PPP2R5C: variants seen among roughly 807,000 people sequenced by gnomAD.
The protein encoded by PPP2R5C is serine/threonine-protein phosphatase 2A 56 kDa regulatory subunit gamma isoform.
A neutral mutation model predicts 68.9 loss-of-function variants in PPP2R5C; 7 were observed. The observed-to-expected ratio is 0.10, with a 90% CI of 0.06 to 0.19. The LOEUF (loss-of-function observed/expected upper bound fraction) is 0.19, where lower values mean the gene tolerates loss of function less well. Among genes scored for constraint, PPP2R5C ranks in the 10% least tolerant of loss-of-function variants. The pLI, the probability that PPP2R5C is intolerant of heterozygous loss-of-function variation, is 1.00. For missense variants in PPP2R5C, 348 were observed against 641.3 expected (o/e 0.54, Z 4.94); for synonymous variants, 210 against 222.2 (o/e 0.95, Z 0.49).
intron 5 of PPP2R5C, among the ~76,000 whole-genome samples, chr14:101,886,668 A>AT (rs2044541400): frequency 6.6e-6 from 1 of 152,162 alleles, no homozygotes; most frequent in South Asian, 2.1e-4. Context: ...GGAAAAAAAA[A>AT]GAAGAAAGAT....
chr14:101,908,245 G>C (rs1453832383), intron 10 of PPP2R5C, among the ~76,000 whole-genome samples: 1 of 152,208 alleles, frequency 6.6e-6, no homozygotes, highest in African/African-American at 2.4e-5. Context: ...GTGGTTGTAG[G>C]GCCAGCAGCC....
chr14:101,896,455 C>T (rs775863180), intron 8 of PPP2R5C, among the ~76,000 whole-genome samples: 13 of 151,700 alleles, frequency 8.6e-5, no homozygotes, highest in African/African-American at 2.7e-4. Flanking sequence ...TCTTCTTGGC[C>T]GGGCGCGGTG....
At chr14:101,771,006 C>A (rs905168707) in intron 2 of PPP2R5C, among the ~76,000 whole-genome samples, 1 of 152,198 alleles carries the variant, frequency 6.6e-6, no homozygotes, top group Non-Finnish European at 1.5e-5. Flanking sequence ...AGCACAGTGT[C>A]CTCTCTAATC....
At chr14:101,795,347 G>T (rs1471906343) in intron 3 of PPP2R5C, among the ~76,000 whole-genome samples, 1 of 152,098 alleles carries the variant, frequency 6.6e-6, no homozygotes, top group Admixed American at 6.5e-5. Context: ...TCATGTAAAA[G>T]TTGTAGTTAT....
chr14:101,838,444 G>T (rs2041255404), intron 1 of PPP2R5C, among the ~76,000 whole-genome samples: 2 of 152,222 alleles, frequency 1.3e-5, no homozygotes, highest in Admixed American at 1.3e-4. Context: ...TTGCAAGAAT[G>T]ATATAAAGAA....
intron 5 of PPP2R5C, among the ~76,000 whole-genome samples, chr14:101,887,077 A>G (rs1005232158): frequency 2.0e-5 from 3 of 152,242 alleles, no homozygotes; most frequent in Non-Finnish European, 4.4e-5. Flanking sequence ...TCTTGTAAGA[A>G]AAAACATTTT....
chr14:101,772,408 C>A (rs2037195934), intron 2 of PPP2R5C, among the ~76,000 whole-genome samples: 1 of 151,942 alleles, frequency 6.6e-6, no homozygotes, highest in Non-Finnish European at 1.5e-5. Flanking sequence ...GCAGTCACGA[C>A]CTTTTGTCCT....
chr14:101,816,979 G>C (rs1190249064), intron 1 of PPP2R5C, among the ~76,000 whole-genome samples: 2 of 135,648 alleles, frequency 1.5e-5, no homozygotes, highest in Non-Finnish European at 3.1e-5. Flanking sequence ...TTTTTTTTGA[G>C]ATGGAGTCTT....
chr14:101,903,649 T>A (rs942761195), intron 9 of PPP2R5C, among the ~76,000 whole-genome samples: 3 of 151,998 alleles, frequency 2.0e-5, no homozygotes, highest in Admixed American at 2.0e-4. Context: ...TCCAGACACA[T>A]ATGCATAAGG....
At chr14:101,885,598 G>A (rs1173587699) in intron 5 of PPP2R5C, among the ~76,000 whole-genome samples, 6 of 152,338 alleles carry the variant, frequency 3.9e-5, no homozygotes, top group East Asian at 3.9e-4. Flanking sequence ...AGGGCATTTC[G>A]GCGTGAGAGC....
At chr14:101,838,209 C>T (rs1046986356) in intron 1 of PPP2R5C, among the ~76,000 whole-genome samples, 1 of 152,148 alleles carries the variant, frequency 6.6e-6, no homozygotes, top group Admixed American at 6.5e-5. Flanking sequence ...AGGGGGCAGA[C>T]AGCGATGAAG....
intron 2 of PPP2R5C, among the ~76,000 whole-genome samples, chr14:101,871,442 AC>A (rs1158744576): frequency 6.6e-6 from 1 of 151,764 alleles, no homozygotes; most frequent in Non-Finnish European, 1.5e-5. Flanking sequence ...GGGGTTTCTC[AC>A]CATGTTAGCC....
chr14:101,918,793 G>A (rs572617600), intron 13 of PPP2R5C, among the ~76,000 whole-genome samples: 3 of 148,400 alleles, frequency 2.0e-5, no homozygotes, highest in South Asian at 4.4e-4. Context: ...TGGGTTCAAG[G>A]AGCGTTTCAG....
At chr14:101,862,906 A>C (rs528525828) in intron 2 of PPP2R5C, among the ~76,000 whole-genome samples, 1 of 151,536 alleles carries the variant, frequency 6.6e-6, no homozygotes, top group South Asian at 2.1e-4. Flanking sequence ...TGCAGACTCA[A>C]ACTCCTGGGC....
At chr14:101,839,590 CTT>C (rs1256737393) in intron 1 of PPP2R5C, 6 of 152,318 alleles carry the variant, frequency 3.9e-5, no homozygotes, top group South Asian at 2.1e-4. Context: ...AGTGTAAACT[CTT>C]TACAAAATTC....
At chr14:101,881,996 C>A (rs558194302) in intron 2 of PPP2R5C, among the ~76,000 whole-genome samples, 165 bp from the exon 5 acceptor site, 1 of 152,296 alleles carries the variant, frequency 6.6e-6, no homozygotes, top group South Asian at 2.1e-4. Flanking sequence ...CAGTTTTGAT[C>A]CAGGCTCTCT....
chr14:101,806,364 GT>G (rs1165182608), upstream of PPP2R5C, among the ~76,000 whole-genome samples: 2 of 151,966 alleles, frequency 1.3e-5, no homozygotes, highest in African/African-American at 4.8e-5. Flanking sequence ...TTAGTGTTTG[GT>G]TTTCTGTTCC....
At chr14:101,852,311 A>G (rs2042203305) in intron 1 of PPP2R5C, among the ~76,000 whole-genome samples, 1 of 152,182 alleles carries the variant, frequency 6.6e-6, no homozygotes, top group Non-Finnish European at 1.5e-5. Context: ...GACCAGGAGC[A>G]TGTATAAAGC....
rs564478355 is a variant in PPP2R5C at position 101,899,125 on chromosome 14, C to T, written c.853-2594C>T. 1.3e-5 allele frequency among the ~76,000 whole-genome samples: 2 copies of T among 152,344 alleles called. No individual in the cohort carries two copies. Among genetic ancestry groups the T allele is most frequent in the African/African-American group, 4.8e-5 (2 of 41,566 alleles). The stretch of plus-strand genomic sequence containing the variant: ...TTTCATTTGCTAATTGTGTACAGTG[C>T]TCAAAAGCTTTCTGGGCACATGAAA... On this transcript the variant is annotated intron_variant, in intron 8 of 13. Coordinates refer to ENST00000334743, the Ensembl canonical transcript of PPP2R5C. This position sits in a 1 kb window ranked among gnomAD's most constrained non-coding sequence, Gnocchi z 4.2.
Sources: allele counts gnomAD v4.1 joint callset (sites outside exome capture counted in the v4.1 genomes callset), GRCh38; gene constraint gnomAD v4.1.1; non-coding constraint Gnocchi (gnomAD v3.1); transcripts MANE v1.5; gene names NCBI Gene and HGNC (gene_info 2026-07-23, HGNC 2026-07-21).